ZNF664: variants seen among roughly 807,000 people sequenced by gnomAD.
ZNF664 encodes zinc finger protein 664.
Under a neutral mutation model 18.2 loss-of-function variants are expected in ZNF664, and 10 were observed. The ratio of observed to expected loss-of-function variants is 0.55; its 90% confidence interval spans 0.34 to 0.93. ZNF664 has a LOEUF of 0.93. ZNF664 is among the 40% of genes least tolerant of loss of function. The pLI is 0.02. For missense variants in ZNF664, 193 were observed against 319.0 expected, an observed-to-expected ratio of 0.61 and a Z score of 3.01; for synonymous variants, 119 against 104.2, an observed-to-expected ratio of 1.14 and a Z score of -0.86.
intron 3 of ZNF664, among the ~76,000 whole-genome samples, chr12:123,988,339 C>G (rs1956848542): frequency 6.6e-6 from 1 of 152,234 alleles, no homozygotes; most frequent in Non-Finnish European, 1.5e-5. Flanking sequence ...CTTCCTTACT[C>G]TAAAGATGTC....
chr12:124,012,908 A>G lies in ZNF664; in HGVS notation c.764A>G (p.His255Arg), dbSNP rs1334779753. ...HQRVHTKERN[H>R]LKISVI Reference sequence around the variant, plus strand: ...AGAGTCCACACAAAGGAGAGAAACCATCTCAAAATATCAGTTATATAAAAC... The same window carrying G: ...AGAGTCCACACAAAGGAGAGAAACCGTCTCAAAATATCAGTTATATAAAAC... The change falls in exon 5 of 5, where the codon CAT (histidine) becomes CGT (arginine). Residue 255 changes from histidine to arginine, a missense_variant. Around this residue, in one of 3 missense-constraint regions of ZNF664, gnomAD observed 42 missense variants for 46.4 expected, o/e 0.91. Transcript: ENST00000337815. The G allele has an allele frequency of 3.1e-6, 5 of 1,613,696 alleles. No homozygotes were observed. In the East Asian group the frequency reaches 6.7e-5, roughly 22 times the overall value.
chr12:124,002,923 C>G (rs958000881), intron 3 of ZNF664, among the ~76,000 whole-genome samples: 1 of 151,994 alleles, frequency 6.6e-6, no homozygotes, highest in African/African-American at 2.4e-5. Flanking sequence ...CTGAAGCACC[C>G]CAGGATTTAG....
At chr12:123,996,705 A>G (rs34714686) in intron 3 of ZNF664, among the ~76,000 whole-genome samples, 3,335 of 152,276 alleles carry the variant, frequency 0.022, 52 homozygotes, top group Middle Eastern at 0.048. Flanking sequence ...GGGCTTTATA[A>G]TTGATGGGTA....
At position 124,012,384 on chromosome 12, in the gene ZNF664, C is replaced by A; in HGVS notation, c.240C>A (p.Ile80=). ...CAAAACTTAATAGACATAAGAAAAT[C>A]CACACAGTGGAGAAGCCCTATAAAT... ...TTTKLNRHKK[I]HTVEKPYKCY... is the part of the protein sequence containing the mutation. Residue 80 remains isoleucine, a synonymous_variant, in exon 5 of 5, where the codon ATC becomes ATA. Coordinates refer to ENST00000337815, the MANE Select transcript of ZNF664 (RefSeq NM_152437.3). 2 of 1,614,178 alleles carry A rather than the reference C, an allele frequency of 1.2e-6. No homozygotes were observed. Among genetic ancestry groups the A allele is most frequent in the Non-Finnish European group, 1.7e-6 (2 of 1,180,038 alleles).
intron 3 of ZNF664, among the ~76,000 whole-genome samples, chr12:124,010,191 G>A (rs1033748020): frequency 2.6e-5 from 4 of 151,990 alleles, no homozygotes; most frequent in African/African-American, 9.7e-5. Flanking sequence ...CGAAATTTTG[G>A]GGACCTAATT....
At chr12:123,998,642 CT>C (rs895184700) in intron 3 of ZNF664, 1 of 152,350 alleles carries the variant, frequency 6.6e-6, no homozygotes, top group African/African-American at 2.4e-5. Flanking sequence ...TAGGATGCCC[CT>C]GGCTCATCAG....
chr12:123,997,294 C>CT (rs1956961311), intron 3 of ZNF664, among the ~76,000 whole-genome samples: 1 of 152,184 alleles, frequency 6.6e-6, no homozygotes, highest in African/African-American at 2.4e-5. Flanking sequence ...CAAAATTTCA[C>CT]TGAGAGCATG....
Position 124,013,042 on chromosome 12 carries a change from T to C in ZNF664, c.*112T>C, listed in dbSNP as rs564890281. The stretch of plus-strand genomic sequence containing the variant: ...TATTTACGCAATCCCTAGCAGAACA[T>C]TGTTTCTGAGGAGGCATATGTGAGA... On this transcript the variant is annotated 3_prime_UTR_variant, in exon 5 of 5. Coordinates refer to ENST00000337815, the MANE Select transcript of ZNF664 (RefSeq NM_152437.3). 1.8e-5 allele frequency: 24 copies of C among 1,344,046 alleles called. No homozygotes were observed. In the African/African-American group the frequency reaches 3.3e-4, roughly 18 times the overall value. 83.3% of individuals were successfully genotyped at this position (1,344,046 alleles called of 1,614,324 possible).
At position 123,991,593 on chromosome 12, in the gene ZNF664, G is replaced by C. The variant is rs144803142; in HGVS notation, c.-661+3455G>C. Reference sequence around the variant, plus strand: ...AGCTATGCTGTGGGCACTCTGATAGGTACTTTCATGTTTATTATCTTTAAT... The same window carrying C: ...AGCTATGCTGTGGGCACTCTGATAGCTACTTTCATGTTTATTATCTTTAAT... On this transcript the variant is annotated intron_variant, in intron 3 of 4. Transcript: ENST00000337815. 2.8e-3 allele frequency among the ~76,000 whole-genome samples: 420 copies of C among 152,246 alleles called. 2 individuals carry two copies. The highest frequency in any genetic ancestry group is 9.7e-3 in the African/African-American group (403 of 41,536).
rs1356218587 is a variant in ZNF664 at position 123,973,224 on chromosome 12, C to G, written c.-1020C>G. On this transcript the variant is annotated 5_prime_UTR_variant, in exon 1 of 5. Coordinates refer to ENST00000337815, the MANE Select transcript of ZNF664 (RefSeq NM_152437.3). The stretch of plus-strand genomic sequence containing the variant: ...TCGTGCGTGCGCACGCGCGCTGTCC[C>G]CCGGAGGCGTCTGGGTGTGCGGAGC... 1 of 986,640 alleles carries G rather than the reference C, an allele frequency of 1.0e-6. No individual in the cohort carries two copies. The highest frequency in any genetic ancestry group is 1.8e-5 in the African/African-American group (1 of 56,594). The allele number at this position is 986,640 out of a possible 1,614,324, so 61.1% of individuals were successfully genotyped here.
Position 123,985,293 on chromosome 12 carries a change from C to G in ZNF664, c.-756-2750C>G, listed in dbSNP as rs79527477. On this transcript the variant is annotated intron_variant, in intron 2 of 4. Transcript: ENST00000337815. Reference sequence around the variant, plus strand: ...ACACCATCATCTCAGAATATAAGATCTAAGTTTCATGTAACTTTTGTGCCA... The same window carrying G: ...ACACCATCATCTCAGAATATAAGATGTAAGTTTCATGTAACTTTTGTGCCA... Among the ~76,000 whole-genome samples the G allele has an allele frequency of 5.1e-3, 780 of 152,304 alleles. 4 individuals carry two copies. Among genetic ancestry groups the G allele is most frequent in the African/African-American group, 0.018 (739 of 41,556 alleles).
chr12:123,982,003 G>A (rs1028789076), intron 2 of ZNF664, among the ~76,000 whole-genome samples: 2 of 152,170 alleles, frequency 1.3e-5, no homozygotes, highest in African/African-American at 4.8e-5. Flanking sequence ...GGGTTCATTG[G>A]GTAGACTCTT....
chr12:123,982,229 T>C (rs916286507), intron 2 of ZNF664, among the ~76,000 whole-genome samples: 3 of 152,140 alleles, frequency 2.0e-5, no homozygotes, highest in South Asian at 2.1e-4. Flanking sequence ...GGCTGGAGCA[T>C]GGGTACCTTG....
At chr12:123,976,972 C>T (rs1028885092) in intron 2 of ZNF664, among the ~76,000 whole-genome samples, 1 of 151,960 alleles carries the variant, frequency 6.6e-6, no homozygotes, top group Non-Finnish European at 1.5e-5. Flanking sequence ...CCCAGCTACT[C>T]GGGAGGCTGA....
At chr12:123,973,782 C>T (rs1956635593) in intron 1 of ZNF664, 104 bp from the exon 2 acceptor site, 3 of 1,228,790 alleles carry the variant, frequency 2.4e-6, no homozygotes, top group Non-Finnish European at 3.0e-6. Flanking sequence ...TCTTGGAGCC[C>T]TTCCAGGCGG....
intron 3 of ZNF664, among the ~76,000 whole-genome samples, chr12:124,010,718 G>A (rs1471992642): frequency 6.6e-6 from 1 of 152,154 alleles, no homozygotes; most frequent in Non-Finnish European, 1.5e-5. Context: ...TAGTACAGGA[G>A]ACAGGTTAAA....
chr12:123,999,860 T>C (rs1956991308), intron 3 of ZNF664, among the ~76,000 whole-genome samples: 2 of 152,162 alleles, frequency 1.3e-5, no homozygotes. Context: ...CAGACATAGA[T>C]TGAACATGGG....
intron 2 of ZNF664, 95 bp downstream of exon 2, chr12:123,974,115 T>TC (rs1438947658): frequency 1.4e-5 from 13 of 937,950 alleles, no homozygotes; most frequent in Non-Finnish European, 1.8e-5. Flanking sequence ...TTTCTCACTG[T>TC]CCCCGGCTTC....
At chr12:123,977,878 T>TG (rs553449799) in intron 2 of ZNF664, among the ~76,000 whole-genome samples, 36 of 151,964 alleles carry the variant, frequency 2.4e-4, no homozygotes, top group African/African-American at 6.5e-4. Context: ...AAATGCCCCC[T>TG]GAGTCTAAAG....
Sources: allele counts gnomAD v4.1 joint callset (sites outside exome capture counted in the v4.1 genomes callset), GRCh38; gene constraint gnomAD v4.1.1; regional missense constraint gnomAD v4.1.1; transcripts MANE v1.5; gene names NCBI Gene and HGNC (gene_info 2026-07-23, HGNC 2026-07-21).